The following NECAB2 variants were observed in gnomAD, a reference collection of about 807,000 sequenced individuals.
NECAB2 encodes the protein N-terminal EF-hand calcium binding protein 2, also known as N-terminal EF-hand calcium-binding protein 2.
In NECAB2, 68 loss-of-function variants were observed where a neutral mutation model predicts 51.9. The observed-to-expected ratio is 1.31, with a 90% confidence interval of 1.08 to 1.60. NECAB2 has a LOEUF of 1.60. Ranked by LOEUF, NECAB2 falls within the 40% of genes most tolerant of loss-of-function variation. NECAB2 has a pLI of 0.00. For synonymous variants in NECAB2, 329 were observed against 203.5 expected (o/e 1.62, Z -5.25); for missense variants, 854 against 490.3 (o/e 1.74, Z -7.00).
chr16:83,994,432 CG>C lies in NECAB2; in HGVS notation c.715+17del. ...GACCCTTCCATCTGGTGAGAGAAAG[CG>C]GGGGCCCTGGTGGGGGTACCAGCTG... On this transcript the variant is annotated intron_variant, in intron 7 of 12. Coordinates refer to ENST00000305202, the MANE Select transcript of NECAB2 (RefSeq NM_019065.3). 1 of 1,613,220 alleles carries C rather than the reference CG, an allele frequency of 6.2e-7. No homozygotes were observed. Among genetic ancestry groups the C allele is most frequent in the Non-Finnish European group, 8.5e-7 (1 of 1,179,226 alleles).
chr16:83,994,812 C>T (rs2084674285), intron 8 of NECAB2, 124 bp downstream of exon 8: 11 of 1,125,296 alleles, frequency 9.8e-6, no homozygotes, highest in Non-Finnish European at 1.4e-5. Context: ...AAAAGACATC[C>T]CCCAGGTGGG....
chr16:83,981,072 C>T lies in NECAB2; in HGVS notation c.404C>T (p.Ala135Val), dbSNP rs749153185. The T allele has an allele frequency of 4.3e-6, 7 of 1,614,170 alleles. No individual in the cohort carries two copies. Among genetic ancestry groups the T allele is most frequent in the South Asian group, 1.1e-5 (1 of 91,088 alleles). The change falls in exon 5 of 13, where the codon GCC becomes GTC. Residue 135 changes from alanine (A) to valine (V), a missense_variant. By Grantham distance (64) the Ala-to-Val change is moderately conservative. Coordinates refer to ENST00000305202, the MANE Select transcript of NECAB2 (RefSeq NM_019065.3). ...ATGGGTGACTATGAGGATGTCCTGG[C>T]CTCCCTGGAGACCTTGAATCACTCT... is the stretch of plus-strand genomic sequence containing the variant. ...DHMGDYEDVL[A>V]SLETLNHSVL...
At position 83,994,422 on chromosome 16, in the gene NECAB2, T is replaced by A. The variant is rs1272450676; in HGVS notation, c.715+2T>A. The A allele has an allele frequency of 1.9e-6, 3 of 1,613,748 alleles. No homozygotes were observed. The highest frequency in any genetic ancestry group is 2.5e-6 in the Non-Finnish European group (3 of 1,179,830). ...AACAAGGCAAGACCCTTCCATCTGG[T>A]GAGAGAAAGCGGGGGCCCTGGTGGG... On this transcript the variant is annotated splice_donor_variant, in intron 7 of 12. Coordinates refer to ENST00000305202, the MANE Select transcript of NECAB2 (RefSeq NM_019065.3). LOFTEE classifies it high-confidence loss of function.
At chr16:83,968,187 CCCGGGGCTGGAGCCGGCAGAGGGCGCT>C (rs1424635603), upstream of NECAB2, among the ~76,000 whole-genome samples, 1 of 151,356 alleles carries the variant, frequency 6.6e-6, no homozygotes, top group Non-Finnish European at 1.5e-5. Context: ...GGCGCCGCTC[CCCGGGGCTGGAGCCGGCAGAGGGCGCT>C]CCGGGCTCGC....
chr16:83,984,828 T>G (rs527851085), intron 5 of NECAB2, among the ~76,000 whole-genome samples: 1 of 152,350 alleles, frequency 6.6e-6, no homozygotes, highest in Admixed American at 6.5e-5. Context: ...TTTGCCTGTT[T>G]TAATTAGCTG....
At chr16:84,001,600 C>T (rs2084837308) in intron 11 of NECAB2, among the ~76,000 whole-genome samples, 1 of 152,080 alleles carries the variant, frequency 6.6e-6, no homozygotes, top group Admixed American at 6.5e-5. Flanking sequence ...TGGGGGGATC[C>T]CGCTGCCCAT....
At chr16:83,968,985 G>C in intron 1 of NECAB2, 136 bp downstream of exon 1, 1 of 431,732 alleles carries the variant, frequency 2.3e-6, no homozygotes, top group Non-Finnish European at 3.2e-6. Context: ...GCCCCTCCGC[G>C]TGCCGGAGCG....
At chr16:84,000,639 G>A (rs1325809675) in intron 10 of NECAB2, 85 bp from the exon 11 acceptor site, 3 of 1,095,856 alleles carry the variant, frequency 2.7e-6, no homozygotes, top group South Asian at 1.3e-5. Context: ...GTATAGTGGT[G>A]GGTCTCAGGC....
intron 10 of NECAB2, 99 bp downstream of exon 10, chr16:83,998,416 G>C (rs1165290963): frequency 8.7e-7 from 1 of 1,144,424 alleles, no homozygotes; most frequent in Admixed American, 2.1e-5. Flanking sequence ...AGTAGTACAA[G>C]TTGCACCCCA....
chr16:83,997,625 T>C (rs1280750251), intron 9 of NECAB2, among the ~76,000 whole-genome samples: 2 of 151,630 alleles, frequency 1.3e-5, no homozygotes, highest in African/African-American at 2.4e-5. Flanking sequence ...GTAGCTGGGA[T>C]TACAGGTGTG....
upstream of NECAB2, among the ~76,000 whole-genome samples, chr16:83,967,869 A>G (rs1468446882): frequency 2.8e-5 from 3 of 105,438 alleles, no homozygotes; most frequent in Non-Finnish European, 3.9e-5. Context: ...TGGATGGATG[A>G]ATGGTTGGGA....
chr16:83,999,991 A>G (rs555901302), intron 10 of NECAB2, among the ~76,000 whole-genome samples: 172 of 151,958 alleles, frequency 1.1e-3, no homozygotes, highest in African/African-American at 3.8e-3. Flanking sequence ...GGTTTAAATG[A>G]GTCTCATGCC....
chr16:83,991,771 C>A (rs907611093), intron 6 of NECAB2, among the ~76,000 whole-genome samples: 2 of 151,610 alleles, frequency 1.3e-5, no homozygotes, highest in African/African-American at 2.4e-5. Context: ...CTCAGCCTCC[C>A]AAGGAGCTGG....
rs1313341866 is a variant in NECAB2 at position 83,968,578 on chromosome 16, G to T, written c.-71G>T. On this transcript the variant is annotated 5_prime_UTR_variant, in exon 1 of 13. Transcript: ENST00000305202. ...GCGGCGCGGGCAGCGCGGGGAGGGG[G>T]TCGCGCGGGGGCGGGCCGCAGCTGG... The T allele has an allele frequency of 8.3e-6, 8 of 966,594 alleles. No homozygotes were observed. The highest frequency in any genetic ancestry group is 1.8e-5 in the African/African-American group (1 of 56,140). 59.9% of individuals were successfully genotyped at this position (966,594 alleles called of 1,614,324 possible). A position where few individuals can be genotyped will look rare whatever the true frequency, so the allele number is the denominator to read the frequency against.
chr16:83,997,848 CCAGA>C (rs879299625), intron 9 of NECAB2, among the ~76,000 whole-genome samples: 5 of 152,076 alleles, frequency 3.3e-5, no homozygotes, highest in Admixed American at 6.5e-5. Context: ...AAGTGATCAG[CCAGA>C]CAGTGATGTG....
At chr16:83,984,145 G>T (rs181974718) in intron 5 of NECAB2, among the ~76,000 whole-genome samples, 2 of 151,774 alleles carry the variant, frequency 1.3e-5, no homozygotes, top group South Asian at 2.1e-4. Context: ...ACAGGCGCCC[G>T]CTACTACGCC....
At chr16:83,980,449 G>A (rs942440014) in intron 3 of NECAB2, among the ~76,000 whole-genome samples, 1 of 152,192 alleles carries the variant, frequency 6.6e-6, no homozygotes, top group Non-Finnish European at 1.5e-5. Context: ...CCAGGACCCA[G>A]CAGGCAGGGT....
upstream of NECAB2, among the ~76,000 whole-genome samples, chr16:83,967,978 G>GTGGATGGA (rs368861995): frequency 6.7e-5 from 10 of 149,818 alleles, no homozygotes; most frequent in African/African-American, 2.5e-4. Flanking sequence ...GGGTAGGCAG[G>GTGGATGGA]TGGATGGATG....
chr16:83,973,951 C>T (rs1171552657), intron 2 of NECAB2, among the ~76,000 whole-genome samples: 1 of 152,098 alleles, frequency 6.6e-6, no homozygotes, highest in Non-Finnish European at 1.5e-5. Context: ...GCAGTGTATA[C>T]ACTTGGGCAG....
Sources: allele counts gnomAD v4.1 joint callset (sites outside exome capture counted in the v4.1 genomes callset), GRCh38; gene constraint gnomAD v4.1.1; transcripts MANE v1.5; gene names NCBI Gene and HGNC (gene_info 2026-07-23, HGNC 2026-07-21).